Variants in VPS50 observed in about 807,000 individuals in gnomAD.
VPS50 encodes the protein VPS50 subunit of EARP/GARPII complex, also known as syndetin.
Under a neutral mutation model 139.7 loss-of-function variants are expected in VPS50, and 70 were observed. The ratio of observed to expected loss-of-function variants is 0.50; its 90% confidence interval spans 0.41 to 0.61. VPS50 has a LOEUF of 0.61. Among genes scored for constraint, VPS50 ranks in the 20% least tolerant of loss-of-function variants. The probability of loss-of-function intolerance (pLI) is 0.00; values close to 1 mark genes in which losing one functional copy is unlikely to be tolerated. For synonymous variants in VPS50, 365 were observed against 376.7 expected (o/e 0.97, Z 0.36); for missense variants, 921 against 1,133.7 (o/e 0.81, Z 2.69).
At chr7:93,358,227 C>A in intron 27 of VPS50, 90 bp from the exon 28 acceptor site, 1 of 1,187,216 alleles carries the variant, frequency 8.4e-7, no homozygotes, top group Non-Finnish European at 1.2e-6. Context: ...TAACTATCCA[C>A]TGCACCTGAA....
chr7:93,349,382 T>G (rs1798495320), intron 24 of VPS50, among the ~76,000 whole-genome samples: 1 of 152,056 alleles, frequency 6.6e-6, no homozygotes, highest in Non-Finnish European at 1.5e-5. Context: ...GAGTTGGACT[T>G]TATTTGGAGG....
intron 18 of VPS50, among the ~76,000 whole-genome samples, chr7:93,308,327 C>T (rs572697517): frequency 6.6e-6 from 1 of 151,928 alleles, no homozygotes; most frequent in Admixed American, 6.6e-5. Context: ...GTGTTCTAAG[C>T]TTAATTTTCT....
At chr7:93,238,903 G>A (rs1487505739) in intron 1 of VPS50, among the ~76,000 whole-genome samples, 1 of 152,116 alleles carries the variant, frequency 6.6e-6, no homozygotes, top group Non-Finnish European at 1.5e-5. Flanking sequence ...GGGGGTAATG[G>A]AAAACTTGCG....
At chr7:93,277,882 C>T (rs1796206087) in intron 12 of VPS50, among the ~76,000 whole-genome samples, 1 of 151,754 alleles carries the variant, frequency 6.6e-6, no homozygotes, top group Non-Finnish European at 1.5e-5. Context: ...TATAAAATTA[C>T]CCAATCACCT....
chr7:93,245,617 TG>T (rs765945670), intron 2 of VPS50, among the ~76,000 whole-genome samples: 1 of 151,910 alleles, frequency 6.6e-6, no homozygotes, highest in Non-Finnish European at 1.5e-5. Flanking sequence ...GTTATAAAGC[TG>T]GATTAAAATG....
chr7:93,294,216 C>G (rs936262240), intron 13 of VPS50, among the ~76,000 whole-genome samples: 2 of 151,866 alleles, frequency 1.3e-5, no homozygotes, highest in African/African-American at 4.9e-5. Context: ...TAATGCCCTT[C>G]TCACAGCCTT....
chr7:93,273,500 A>G (rs1230393188), intron 11 of VPS50: 1 of 152,078 alleles, frequency 6.6e-6, no homozygotes, highest in African/African-American at 2.4e-5. Flanking sequence ...ATTGTAATTT[A>G]ATTTTCATGT....
chr7:93,307,179 T>A (rs892689667), intron 18 of VPS50, among the ~76,000 whole-genome samples: 1 of 151,904 alleles, frequency 6.6e-6, no homozygotes, highest in African/African-American at 2.4e-5. Flanking sequence ...ATTAGGTTCC[T>A]GTGAGCCTCG....
chr7:93,290,128 A>C (rs187200599), intron 12 of VPS50, among the ~76,000 whole-genome samples: 5 of 152,128 alleles, frequency 3.3e-5, no homozygotes, highest in African/African-American at 1.2e-4. Flanking sequence ...ACATTTTACA[A>C]CTTGCTACTT....
intron 2 of VPS50, among the ~76,000 whole-genome samples, chr7:93,247,812 G>A (rs1383306243): frequency 6.6e-6 from 1 of 151,918 alleles, no homozygotes; most frequent in Non-Finnish European, 1.5e-5. Context: ...AAAGTAGGCA[G>A]GTTAGTTTCT....
Position 93,252,680 on chromosome 7 carries a change from C to T in VPS50, c.130C>T (p.Pro44Ser), listed in dbSNP as rs752075691. 39 of 1,601,962 alleles carry T rather than the reference C, an allele frequency of 2.4e-5. 1 individual carries two copies. In the South Asian group the frequency reaches 3.8e-4, roughly 16 times the overall value. ...AGAATTCAGGGAACTTCGAGAACAG[C>T]CAAGTGACCCTCAAGCTGAACAAGA... ...KEEFRELREQ[P>S]SDPQAEQELI... Residue 44 changes from proline (P) to serine (S), a missense_variant, in exon 3 of 28, where the codon CCA becomes TCA. This residue lies in a region of VPS50 where 744 missense variants were observed against 930.6 expected (regional missense o/e 0.80). Transcript: ENST00000305866.
intron 2 of VPS50, among the ~76,000 whole-genome samples, chr7:93,248,675 G>A (rs1795227113): frequency 6.6e-6 from 1 of 152,070 alleles, no homozygotes. Flanking sequence ...GGTGTGCCTT[G>A]GCACTGTGGA....
In VPS50 at chr7:93,276,079, G is replaced by A; in HGVS notation, c.802-86G>A. 9 of 1,242,764 alleles carry A rather than the reference G, an allele frequency of 7.2e-6. 1 individual carries two copies. The highest frequency in any genetic ancestry group is 1.0e-5 in the Non-Finnish European group (9 of 896,846). 77.0% of individuals were successfully genotyped at this position (1,242,764 alleles called of 1,614,324 possible). Reference sequence around the variant, plus strand: ...TTGTGTTGTAACTATTATTTGAAAAGATGTTTCCCTGGGTTTTTTCAATTT... The same window carrying A: ...TTGTGTTGTAACTATTATTTGAAAAAATGTTTCCCTGGGTTTTTTCAATTT... On this transcript the variant is annotated intron_variant, in intron 11 of 27. Transcript: ENST00000305866.
chr7:93,311,559 G>GT (rs1193798370), intron 20 of VPS50, among the ~76,000 whole-genome samples: 1 of 151,994 alleles, frequency 6.6e-6, no homozygotes, highest in African/African-American at 2.4e-5. Flanking sequence ...CTCTAGGTAG[G>GT]TTAGAGGTAT....
At chr7:93,268,207 G>A (rs1332045299) in intron 9 of VPS50, among the ~76,000 whole-genome samples, 1 of 152,130 alleles carries the variant, frequency 6.6e-6, no homozygotes, top group East Asian at 1.9e-4. Context: ...GCTCAGAGCT[G>A]TTTCTGACAG....
At chr7:93,243,561 C>T (rs996860136) in intron 2 of VPS50, among the ~76,000 whole-genome samples, 1 of 151,812 alleles carries the variant, frequency 6.6e-6, no homozygotes, top group Non-Finnish European at 1.5e-5. Context: ...TTTCATTCTT[C>T]GAAATGGATT....
chr7:93,285,977 T>A (rs977041231), intron 12 of VPS50, among the ~76,000 whole-genome samples: 2 of 152,058 alleles, frequency 1.3e-5, no homozygotes, highest in African/African-American at 4.8e-5. Context: ...AGTTTATGGA[T>A]TTTTTTTAAA....
At chr7:93,267,820 T>C (rs532674038) in intron 9 of VPS50, among the ~76,000 whole-genome samples, 2 of 152,322 alleles carry the variant, frequency 1.3e-5, no homozygotes, top group Non-Finnish European at 2.9e-5. Flanking sequence ...TTGGTTCAGG[T>C]GCTGTGCACA....
At chr7:93,279,677 G>C (rs1796264708) in intron 12 of VPS50, among the ~76,000 whole-genome samples, 1 of 152,176 alleles carries the variant, frequency 6.6e-6, no homozygotes. Flanking sequence ...CATGTGCAGG[G>C]TGTTGACTGA....
Sources: gnomAD v4.1 joint callset for allele counts (sites outside exome capture counted in the v4.1 genomes callset) on GRCh38, gnomAD v4.1.1 for gene constraint, gnomAD v4.1.1 regional missense constraint, MANE v1.5 for transcripts, NCBI Gene and HGNC (gene_info 2026-07-23, HGNC 2026-07-21) for gene names.